ASIC2: variants seen among roughly 807,000 people sequenced by gnomAD.
The protein encoded by ASIC2 is acid-sensing ion channel 2.
ASIC2 carries 25 observed loss-of-function variants against 57.3 expected under a neutral mutation model. The ratio of observed to expected loss-of-function variants is 0.44; its 90% CI spans 0.32 to 0.61. The LOEUF is 0.61. Ranked by LOEUF, ASIC2 falls within the 20% of genes least tolerant of loss-of-function variation. The pLI is 0.06. For missense variants in ASIC2, 641 were observed against 738.1 expected, an observed-to-expected ratio of 0.87 and a Z score of 1.52; for synonymous variants, 319 against 307.5, an observed-to-expected ratio of 1.04 and a Z score of -0.39.
intron 1 of ASIC2, among the ~76,000 whole-genome samples, chr17:33,752,880 GA>G (rs1255904591): frequency 6.6e-6 from 1 of 152,224 alleles, no homozygotes; most frequent in African/African-American, 2.4e-5. Flanking sequence ...CACTTTGGAA[GA>G]AAGTTTGGCA....
At chr17:33,518,191 G>A (rs1416272403) in intron 1 of ASIC2, among the ~76,000 whole-genome samples, 3 of 152,180 alleles carry the variant, frequency 2.0e-5, no homozygotes, top group South Asian at 2.1e-4. Context: ...CCTCAATAAC[G>A]CCTGAACTCT....
intron 1 of ASIC2, among the ~76,000 whole-genome samples, chr17:33,663,893 T>G (rs1907384067): frequency 6.6e-6 from 1 of 152,162 alleles, no homozygotes; most frequent in Non-Finnish European, 1.5e-5. Flanking sequence ...GCAGCCCTCC[T>G]CAGAGTCCCT....
At position 33,715,890 on chromosome 17, in the gene ASIC2, C is replaced by T. The variant is rs143893025; in HGVS notation, c.555+440088G>A. On this transcript the variant is annotated intron_variant, in intron 1 of 9. Transcript: ENST00000359872. ...TCATGTAGATACAGAGAGAAAGTGG[C>T]GTGGAGGGCCTAGAATTCAACATGC... Among the ~76,000 whole-genome samples, 9 of 152,200 alleles carry T rather than the reference C, an allele frequency of 5.9e-5. No individual in the cohort carries two copies. In the East Asian group the frequency reaches 7.7e-4, roughly 13 times the overall value.
At chr17:33,117,853 G>A (rs1371362508) in intron 1 of ASIC2, among the ~76,000 whole-genome samples, 5 of 152,170 alleles carry the variant, frequency 3.3e-5, no homozygotes, top group South Asian at 2.1e-4. Flanking sequence ...TTATGAAGAC[G>A]GGGTCAGAGA....
chr17:33,032,029 T>G (rs879534387), intron 3 of ASIC2, among the ~76,000 whole-genome samples: 2 of 152,210 alleles, frequency 1.3e-5, no homozygotes, highest in Non-Finnish European at 2.9e-5. Context: ...TTAAGGTACA[T>G]CTATTTGAGT....
chr17:33,668,386 A>G (rs1017711636), intron 1 of ASIC2, among the ~76,000 whole-genome samples: 74 of 145,144 alleles, frequency 5.1e-4, no homozygotes, highest in African/African-American at 1.8e-3. Context: ...GGGAAAATCC[A>G]TGCTTGCCTT....
chr17:33,579,183 G>A (rs1031252805), intron 1 of ASIC2, among the ~76,000 whole-genome samples: 5 of 151,728 alleles, frequency 3.3e-5, no homozygotes, highest in East Asian at 3.9e-4. Flanking sequence ...CTACTTGAGA[G>A]GCTGAGGCAG....
rs116495076 is a variant in ASIC2 at position 33,620,717 on chromosome 17, G to C, written c.556-508650C>G. On this transcript the variant is annotated intron_variant, in intron 1 of 9. Coordinates refer to the ASIC2 transcript ENST00000359872. ...TTGTTTCTTATGAGGTAGAAAAGATGATTCTTGATGAAAGACATCTATTTG... is the reference window on the plus strand; with the variant it reads ...TTGTTTCTTATGAGGTAGAAAAGATCATTCTTGATGAAAGACATCTATTTG... Among the ~76,000 whole-genome samples the C allele has an allele frequency of 5.3e-3, 802 of 152,302 alleles. 9 individuals carry two copies. Among genetic ancestry groups the C allele is most frequent in the African/African-American group, 0.018 (762 of 41,570 alleles).
chr17:33,578,892 G>A (rs780526962), intron 1 of ASIC2, among the ~76,000 whole-genome samples: 6 of 152,188 alleles, frequency 3.9e-5, no homozygotes, highest in Non-Finnish European at 8.8e-5. Context: ...GTAAAACCCT[G>A]CCACAGCAGG....
At chr17:33,950,210 C>G (rs1485216547) in intron 1 of ASIC2, among the ~76,000 whole-genome samples, 2 of 152,206 alleles carry the variant, frequency 1.3e-5, no homozygotes, top group Admixed American at 1.3e-4. Context: ...CAATTTCCCT[C>G]TCAGCCCAAG....
intron 1 of ASIC2, among the ~76,000 whole-genome samples, chr17:33,431,236 A>C (rs9899182): frequency 0.35 from 52,963 of 152,018 alleles, 9,306 homozygotes; most frequent in Middle Eastern, 0.44. Context: ...AACCAGGAGT[A>C]CCCCATCCAG....
intron 1 of ASIC2, among the ~76,000 whole-genome samples, chr17:34,008,068 C>T (rs960518883): frequency 3.3e-5 from 5 of 152,142 alleles, no homozygotes; most frequent in Admixed American, 2.0e-4. Flanking sequence ...TGCGTATGTA[C>T]AGTATAGTTC....
chr17:33,546,427 T>C (rs1012024605), intron 1 of ASIC2, among the ~76,000 whole-genome samples: 3 of 152,122 alleles, frequency 2.0e-5, no homozygotes, highest in Non-Finnish European at 4.4e-5. Context: ...TTCAATTACA[T>C]AGACTAAGGG....
At chr17:33,965,608 TG>T (rs754658267) in intron 1 of ASIC2, among the ~76,000 whole-genome samples, 1 of 152,202 alleles carries the variant, frequency 6.6e-6, no homozygotes, top group Non-Finnish European at 1.5e-5. Context: ...CTAGCTCCCT[TG>T]CTCGTGAAAT....
chr17:33,665,882 C>T lies in ASIC2; in HGVS notation c.555+490096G>A, dbSNP rs188726407. On this transcript the variant is annotated intron_variant, in intron 1 of 9. Coordinates refer to the ASIC2 transcript ENST00000359872. ...CTCTCCAGAGACTGTTTGGGCCTCA[C>T]CACCTCAGCAAAACCTTCCCTAAGT... is the stretch of plus-strand genomic sequence containing the variant. 5.0e-3 allele frequency among the ~76,000 whole-genome samples: 767 copies of T among 152,248 alleles called. 7 individuals are homozygous for T. The highest frequency in any genetic ancestry group is 8.2e-3 in the Non-Finnish European group (561 of 68,020).
intron 6 of ASIC2, among the ~76,000 whole-genome samples, chr17:33,023,463 C>G (rs2091846150): frequency 6.6e-6 from 1 of 150,942 alleles, no homozygotes; most frequent in Non-Finnish European, 1.5e-5. Flanking sequence ...GCACTCCAGC[C>G]TGGGCAACAG....
chr17:33,348,879 C>T (rs1908053991), intron 1 of ASIC2, among the ~76,000 whole-genome samples: 2 of 152,170 alleles, frequency 1.3e-5, no homozygotes, highest in Admixed American at 6.5e-5. Context: ...CCAGCCCAGA[C>T]CACCGAGGTC....
intron 1 of ASIC2, among the ~76,000 whole-genome samples, chr17:33,747,707 T>G (rs771676000): frequency 2.0e-5 from 3 of 152,176 alleles, no homozygotes; most frequent in Admixed American, 6.5e-5. Flanking sequence ...ATGTGAGATT[T>G]GCAAGTCCAG....
intron 1 of ASIC2, among the ~76,000 whole-genome samples, chr17:33,919,558 TA>T (rs938687487): frequency 6.6e-6 from 1 of 151,970 alleles, no homozygotes; most frequent in African/African-American, 2.4e-5. Context: ...TCAAGCTATA[TA>T]AAAAAAATCC....
Sources: gnomAD v4.1 joint callset for allele counts (sites outside exome capture counted in the v4.1 genomes callset) on GRCh38, gnomAD v4.1.1 for gene constraint, MANE v1.5 for transcripts, NCBI Gene and HGNC (gene_info 2026-07-23, HGNC 2026-07-21) for gene names.